PARP11: variants seen among roughly 807,000 people sequenced by gnomAD.
PARP11 encodes poly(ADP-ribose) polymerase family member 11.
In PARP11, 31 loss-of-function variants were observed where a neutral mutation model predicts 42.9. That is an observed-to-expected ratio of 0.72 (90% CI 0.54 to 0.98). The LOEUF is 0.98. Ranked by LOEUF, PARP11 falls within the 50% of genes least tolerant of loss-of-function variation. The probability of loss-of-function intolerance (pLI) is 0.00; values close to 1 mark genes in which losing one functional copy is unlikely to be tolerated. For synonymous variants in PARP11, 137 were observed against 127.3 expected (o/e 1.08, Z -0.51); for missense variants, 365 against 413.1 (o/e 0.88, Z 1.01).
intron 1 of PARP11, among the ~76,000 whole-genome samples, chr12:3,849,569 C>G (rs1948059284): frequency 1.3e-5 from 2 of 151,744 alleles, no homozygotes; most frequent in Non-Finnish European, 2.9e-5. Context: ...ACAAATATCA[C>G]CTGTTCTCAT....
intron 1 of PARP11, among the ~76,000 whole-genome samples, chr12:3,847,539 C>T (rs1239962711): frequency 1.3e-5 from 2 of 152,114 alleles, no homozygotes; most frequent in Admixed American, 6.5e-5. Flanking sequence ...ATCAACATGA[C>T]AGATCACAAC....
chr12:3,840,402 C>T lies in PARP11; in HGVS notation c.19-10384G>A. On this transcript the variant is annotated intron_variant, in intron 1 of 7. Coordinates refer to ENST00000228820, the MANE Select transcript of PARP11 (RefSeq NM_020367.6). This position sits in a 1 kb window ranked among gnomAD's most constrained non-coding sequence, Gnocchi z 4.4. ...ATTACAGAGGGCCAAAGAATCCAAG[C>T]AAGCCAATAAAAGCCCCATTAGCAC... 1 of 1,600,704 alleles carries T rather than the reference C, an allele frequency of 6.2e-7. No homozygotes were observed. Among genetic ancestry groups the T allele is most frequent in the Non-Finnish European group, 8.5e-7 (1 of 1,175,328 alleles).
intron 3 of PARP11, among the ~76,000 whole-genome samples, chr12:3,828,389 A>C (rs550937420): frequency 6.6e-6 from 1 of 152,150 alleles, no homozygotes; most frequent in Admixed American, 6.5e-5. Flanking sequence ...TCTACTAAAA[A>C]TACAAAAAAA....
intron 1 of PARP11, among the ~76,000 whole-genome samples, chr12:3,857,637 TA>T (rs367843470): frequency 4.8e-3 from 678 of 140,238 alleles, no homozygotes; most frequent in Middle Eastern, 7.2e-3. Context: ...ATTATTATGC[TA>T]AAAAAAAAAA....
rs1947902322 is a variant in PARP11 at position 3,842,134 on chromosome 12, G to T, written c.19-12116C>A. 1.5e-5 allele frequency: 24 copies of T among 1,611,920 alleles called. No homozygotes were observed. The South Asian group carries it at 2.4e-4, about 16-fold the overall frequency. ...CTTGAACCTAAAAGGACCATTCAAA[G>T]TCTGAAAGAAAAAACAGAAAAAGTA... On this transcript the variant is annotated intron_variant, in intron 1 of 7. Transcript: ENST00000228820.
At chr12:3,850,355 C>G (rs1948075735) in intron 1 of PARP11, among the ~76,000 whole-genome samples, 2 of 152,084 alleles carry the variant, frequency 1.3e-5, no homozygotes, top group Admixed American at 6.6e-5. Flanking sequence ...CCTCCAAAAT[C>G]CAAAACTTTT....
intron 6 of PARP11, among the ~76,000 whole-genome samples, chr12:3,819,853 C>A (rs1222680196): frequency 6.6e-6 from 1 of 152,194 alleles, no homozygotes; most frequent in East Asian, 1.9e-4. Context: ...CTCTTGATAC[C>A]ATTCTAGCCT....
chr12:3,852,567 G>A (rs1418408044), intron 1 of PARP11, among the ~76,000 whole-genome samples: 1 of 151,652 alleles, frequency 6.6e-6, no homozygotes, highest in Non-Finnish European at 1.5e-5. Flanking sequence ...ATGAAATGAA[G>A]CAAGAAGTTT....
chr12:3,822,124 T>C lies in PARP11; in HGVS notation c.378A>G (p.Pro126=), dbSNP rs758844430. Residue 126 remains proline, a synonymous_variant, in exon 5 of 8, where the codon CCA becomes CCG. Coordinates refer to ENST00000228820, the MANE Select transcript of PARP11 (RefSeq NM_020367.6). ...YICENEAIPM[P]PHWENVNTQV... is the part of the protein sequence containing the mutation. ...GAGTATTCACATTCTCCCAGTGTGG[T>C]GGCATAGGGATGGCCTCGTTTTCAC... The C allele has an allele frequency of 1.2e-6, 2 of 1,614,032 alleles. No individual in the cohort carries two copies. Among genetic ancestry groups the C allele is most frequent in the Non-Finnish European group, 8.5e-7 (1 of 1,179,906 alleles).
intron 1 of PARP11, among the ~76,000 whole-genome samples, chr12:3,866,019 T>C (rs1167366675): frequency 6.6e-6 from 1 of 152,088 alleles, no homozygotes; most frequent in Non-Finnish European, 1.5e-5. Flanking sequence ...CTACACACTA[T>C]GTTTATTTCT....
chr12:3,814,337 G>C (rs929510560), intron 6 of PARP11, 149 bp from the exon 7 acceptor site: 9 of 573,136 alleles, frequency 1.6e-5, no homozygotes, highest in Non-Finnish European at 2.1e-5. Context: ...GTCTAGAAAA[G>C]AAATAATTTC....
At position 3,821,898 on chromosome 12, in the gene PARP11, G is replaced by C. The variant is rs1947401727; in HGVS notation, c.523C>G (p.Leu175Val). The change falls in exon 6 of 8, where the codon CTA becomes GTA. Residue 175 changes from leucine (L) to valine (V), a missense_variant. Physicochemically the swap from Leu to Val is conservative, Grantham distance 32. Coordinates refer to ENST00000228820, the MANE Select transcript of PARP11 (RefSeq NM_020367.6). ...RIKRIQRIQN[L>V]DLWEFFCRKK... is the part of the protein sequence containing the mutation. ...CTGCAAAAGAACTCCCACAAATCTA[G>C]GTTTTGAATTCTCTGAATTCTTTTA... 4.4e-6 allele frequency: 7 copies of C among 1,606,848 alleles called. No homozygotes were observed. The African/African-American group carries it at 5.4e-5, about 12-fold the overall frequency.
At chr12:3,849,379 T>C (rs1948054809) in intron 1 of PARP11, among the ~76,000 whole-genome samples, 1 of 152,088 alleles carries the variant, frequency 6.6e-6, no homozygotes, top group Non-Finnish European at 1.5e-5. Context: ...GAATGATACA[T>C]AATAGCCAAG....
At chr12:3,821,728 C>T (rs924528180) in intron 6 of PARP11, 145 bp downstream of exon 6, 3 of 792,662 alleles carry the variant, frequency 3.8e-6, no homozygotes, top group African/African-American at 1.8e-5. Context: ...CCTGAGAATG[C>T]TGAAGAGCCT....
At chr12:3,836,722 C>T (rs1242080025) in intron 1 of PARP11, among the ~76,000 whole-genome samples, 1 of 152,150 alleles carries the variant, frequency 6.6e-6, no homozygotes, top group African/African-American at 2.4e-5. Flanking sequence ...AGATTATCGC[C>T]AGCAATATCC....
At chr12:3,821,726 T>A (rs1011288981) in intron 6 of PARP11, 147 bp downstream of exon 6, 102 of 773,562 alleles carry the variant, frequency 1.3e-4, no homozygotes, top group Non-Finnish European at 2.0e-4. Context: ...TCCCTGAGAA[T>A]GCTGAAGAGC....
chr12:3,860,163 C>A (rs934183058), intron 1 of PARP11, among the ~76,000 whole-genome samples: 1 of 152,138 alleles, frequency 6.6e-6, no homozygotes, highest in Non-Finnish European at 1.5e-5. Context: ...GTCAAATGAT[C>A]ATTTGATAAG....
At chr12:3,836,863 A>G (rs926992414) in intron 1 of PARP11, among the ~76,000 whole-genome samples, 1 of 152,202 alleles carries the variant, frequency 6.6e-6, no homozygotes, top group Admixed American at 6.5e-5. Flanking sequence ...CCCAGCATCA[A>G]GCATACAGAA....
At chr12:3,838,808 C>A (rs754666725) in intron 1 of PARP11, among the ~76,000 whole-genome samples, 36 of 152,326 alleles carry the variant, frequency 2.4e-4, no homozygotes, top group Non-Finnish European at 5.1e-4. Context: ...CGAAAGGCCG[C>A]GTCTTTCTTT....
Sources: gnomAD v4.1 joint callset for allele counts (sites outside exome capture counted in the v4.1 genomes callset) on GRCh38, gnomAD v4.1.1 for gene constraint, Gnocchi (gnomAD v3.1) non-coding constraint, MANE v1.5 for transcripts, NCBI Gene and HGNC (gene_info 2026-07-23, HGNC 2026-07-21) for gene names.